GPC3: variants seen among roughly 807,000 people sequenced by gnomAD.
GPC3 encodes the protein glypican 3, also known as glypican-3.
GPC3 carries 3 observed loss-of-function variants against 34.4 expected under a neutral mutation model. That is an observed-to-expected ratio of 0.09 (90% CI 0.04 to 0.23). The LOEUF is 0.23. Ranked by LOEUF, GPC3 falls within the 10% of genes least tolerant of loss-of-function variation. The pLI is 1.00. For missense variants in GPC3, 351 were observed against 445.6 expected, an observed-to-expected ratio of 0.79 and a Z score of 1.91; for synonymous variants, 177 against 174.0, an observed-to-expected ratio of 1.02 and a Z score of -0.13.
intron 2 of GPC3, among the ~76,000 whole-genome samples, chrX:133,832,113 C>T (rs1353556088): frequency 9.1e-6 from 1 of 110,050 alleles, no homozygotes; most frequent in Non-Finnish European, 1.9e-5. Context: ...AACCCCATAT[C>T]TACTAAAAAT....
chrX:133,881,054 C>G (rs1306655147), intron 2 of GPC3, among the ~76,000 whole-genome samples: 1 of 112,193 alleles, frequency 8.9e-6, no homozygotes, highest in Non-Finnish European at 1.9e-5. Flanking sequence ...TGAGATATTT[C>G]CAGAAAGCCA....
chrX:133,778,370 T>C (rs1164117197), intron 2 of GPC3, among the ~76,000 whole-genome samples: 1 of 111,960 alleles, frequency 8.9e-6, no homozygotes, highest in Non-Finnish European at 1.9e-5. Flanking sequence ...GCCCCCTTCT[T>C]TGGTTGTTTA....
Position 133,588,716 on chromosome X carries a change from A to AAAAT in GPC3, c.1573+7720_1573+7723dup, listed in dbSNP as rs918782354. ...GTGTAAGATTACACTTGATCCAGTA[A>AAAAT]AAATAAATAAATAAATAAATAAAAA... On this transcript the variant is annotated intron_variant, in intron 7 of 7. Coordinates refer to ENST00000370818, the MANE Select transcript of GPC3 (RefSeq NM_004484.4). Among the ~76,000 whole-genome samples, 6 of 111,082 alleles carry AAAAT rather than the reference A, an allele frequency of 5.4e-5. No homozygotes were observed. The East Asian group carries it at 8.4e-4, about 16-fold the overall frequency.
chrX:133,634,132 C>T (rs1352238803), intron 6 of GPC3, among the ~76,000 whole-genome samples: 1 of 111,432 alleles, frequency 9.0e-6, no homozygotes, highest in Non-Finnish European at 1.9e-5. Context: ...AATGAGATAC[C>T]ACTACACACC....
At chrX:133,639,867 C>A (rs2070464893) in intron 6 of GPC3, among the ~76,000 whole-genome samples, 1 of 110,737 alleles carries the variant, frequency 9.0e-6, no homozygotes, top group Non-Finnish European at 1.9e-5. Context: ...ACTGTCATGC[C>A]CTGAACAAAC....
intron 5 of GPC3, among the ~76,000 whole-genome samples, chrX:133,670,121 A>T (rs761951257): frequency 1.8e-5 from 2 of 111,899 alleles, no homozygotes; most frequent in Admixed American, 1.9e-4. Context: ...ACAAGCGTAA[A>T]ATAGGCGATC....
At chrX:133,626,869 T>A (rs1021315653) in intron 6 of GPC3, among the ~76,000 whole-genome samples, 2 of 108,143 alleles carry the variant, frequency 1.8e-5, no homozygotes, top group Admixed American at 2.0e-4. Flanking sequence ...TGCACACGTA[T>A]GTTTATTGTG....
At chrX:133,937,749 TATC>T (rs1208884470) in intron 2 of GPC3, among the ~76,000 whole-genome samples, 1 of 111,839 alleles carries the variant, frequency 8.9e-6, no homozygotes, top group Non-Finnish European at 1.9e-5. Context: ...AAAGTGTCCT[TATC>T]AGCAGGACAG....
At chrX:133,612,946 G>T (rs995385606) in intron 6 of GPC3, among the ~76,000 whole-genome samples, 1 of 111,612 alleles carries the variant, frequency 9.0e-6, no homozygotes, top group Non-Finnish European at 1.9e-5. Flanking sequence ...ATAGAGACTG[G>T]GGAACACCGG....
intron 2 of GPC3, among the ~76,000 whole-genome samples, chrX:133,773,456 G>A (rs1307512866): frequency 1.8e-5 from 2 of 111,934 alleles, no homozygotes; most frequent in African/African-American, 6.5e-5. Context: ...TATGTAGAAG[G>A]CAGTCCCCTT....
At chrX:133,974,242 G>T (rs1260559358) in intron 1 of GPC3, among the ~76,000 whole-genome samples, 1 of 111,488 alleles carries the variant, frequency 9.0e-6, no homozygotes, top group African/African-American at 3.3e-5. Context: ...AAGAGGCAGG[G>T]TTTCACTATG....
chrX:133,966,037 C>T (rs768790140), intron 1 of GPC3, among the ~76,000 whole-genome samples: 1 of 111,251 alleles, frequency 9.0e-6, no homozygotes, highest in Non-Finnish European at 1.9e-5. Context: ...TAATAGAGGC[C>T]GAATACTACT....
intron 3 of GPC3, among the ~76,000 whole-genome samples, chrX:133,750,038 A>G (rs1306522474): frequency 3.6e-5 from 4 of 111,487 alleles, no homozygotes; most frequent in Non-Finnish European, 7.5e-5. Context: ...CAGAGTTTAC[A>G]TATGTTTTCT....
chrX:133,767,927 T>C (rs2071867057), intron 2 of GPC3, among the ~76,000 whole-genome samples: 1 of 104,658 alleles, frequency 9.6e-6, no homozygotes, highest in African/African-American at 3.5e-5. Context: ...TGTACGTGTG[T>C]GTTAGGGAGT....
At chrX:133,863,787 C>A (rs2124569569) in intron 2 of GPC3, among the ~76,000 whole-genome samples, 1 of 103,017 alleles carries the variant, frequency 9.7e-6, no homozygotes, top group East Asian at 3.0e-4. Flanking sequence ...TCCCGAGTAG[C>A]TGGGACTACA....
At chrX:133,556,683 G>T (rs2069491268) in intron 7 of GPC3, among the ~76,000 whole-genome samples, 1 of 103,469 alleles carries the variant, frequency 9.7e-6, no homozygotes, top group Non-Finnish European at 2.0e-5. Flanking sequence ...TTTGAGAGAA[G>T]GGAGAGTAAT....
intron 2 of GPC3, among the ~76,000 whole-genome samples, chrX:133,818,307 C>A (rs2075702197): frequency 8.9e-6 from 1 of 111,765 alleles, no homozygotes; most frequent in Admixed American, 9.5e-5. Context: ...TACTGAAGAA[C>A]ATGCACAGGG....
At chrX:133,795,894 G>T (rs1346218542) in intron 2 of GPC3, among the ~76,000 whole-genome samples, 1 of 106,756 alleles carries the variant, frequency 9.4e-6, no homozygotes, top group Non-Finnish European at 1.9e-5. Flanking sequence ...TACTAATTTA[G>T]ATGTATCTCT....
chrX:133,916,500 G>A (rs750405388), intron 2 of GPC3, among the ~76,000 whole-genome samples: 3 of 111,564 alleles, frequency 2.7e-5, no homozygotes, highest in African/African-American at 9.8e-5. Context: ...AGCCAAAATT[G>A]TTAATTTTCC....
Sources: allele counts gnomAD v4.1 joint callset (sites outside exome capture counted in the v4.1 genomes callset), GRCh38; gene constraint gnomAD v4.1.1; transcripts MANE v1.5; gene names NCBI Gene and HGNC (gene_info 2026-07-23, HGNC 2026-07-21).